Variants in DLGAP2 observed in about 807,000 individuals in gnomAD.
The protein encoded by DLGAP2 is disks large-associated protein 2.
Under a neutral mutation model 100.3 loss-of-function variants are expected in DLGAP2, and 26 were observed. The ratio of observed to expected loss-of-function variants is 0.26; its 90% CI spans 0.19 to 0.36. The LOEUF is 0.36. Ranked by LOEUF, DLGAP2 falls within the 10% of genes least tolerant of loss-of-function variation. The pLI, the probability that DLGAP2 is intolerant of heterozygous loss-of-function variation, is 1.00. For missense variants in DLGAP2, 1,858 were observed against 1,453.2 expected (o/e 1.28, Z -4.53); for synonymous variants, 886 against 630.1 (o/e 1.41, Z -6.08).
chr8:1,440,587 G>C (rs1002929071), intron 3 of DLGAP2, among the ~76,000 whole-genome samples: 5 of 152,168 alleles, frequency 3.3e-5, no homozygotes, highest in African/African-American at 9.7e-5. Context: ...AGACTAAAGG[G>C]GGAAAACGGC....
intron 2 of DLGAP2, among the ~76,000 whole-genome samples, chr8:1,154,337 C>G (rs368836825): frequency 1.3e-3 from 198 of 152,220 alleles, no homozygotes; most frequent in African/African-American, 4.6e-3. Flanking sequence ...ACAGCCAGGA[C>G]CAGGCGTGGA....
intron 3 of DLGAP2, among the ~76,000 whole-genome samples, chr8:1,483,133 G>A (rs1799143989): frequency 6.6e-6 from 1 of 152,202 alleles, no homozygotes; most frequent in Non-Finnish European, 1.5e-5. Flanking sequence ...AGGAAGGGCA[G>A]CGGTGCACCG....
At chr8:1,025,104 GTA>G (rs1801755808) in intron 2 of DLGAP2, among the ~76,000 whole-genome samples, 1 of 151,476 alleles carries the variant, frequency 6.6e-6, no homozygotes, top group Non-Finnish European at 1.5e-5. Flanking sequence ...GTGTGTGCGT[GTA>G]TGTGTGTGCG....
chr8:1,020,692 C>A (rs563009684), intron 2 of DLGAP2, among the ~76,000 whole-genome samples: 1 of 152,148 alleles, frequency 6.6e-6, no homozygotes, highest in African/African-American at 2.4e-5. Context: ...GAACCAACAC[C>A]CACTCAGACT....
intron 3 of DLGAP2, chr8:1,369,041 T>C (rs1032180576): frequency 6.6e-6 from 1 of 152,150 alleles, no homozygotes; most frequent in Non-Finnish European, 1.5e-5. Flanking sequence ...GACACTGAGC[T>C]AGTTCCCGCA....
chr8:1,449,303 A>T (rs1271285792), intron 3 of DLGAP2, among the ~76,000 whole-genome samples: 1 of 152,150 alleles, frequency 6.6e-6, no homozygotes, highest in Non-Finnish European at 1.5e-5. Flanking sequence ...TCGGGCCATG[A>T]TGGACTAAAG....
chr8:1,581,476 A>G (rs2906593), intron 6 of DLGAP2, among the ~76,000 whole-genome samples: 4 of 149,900 alleles, frequency 2.7e-5, no homozygotes, highest in Admixed American at 2.0e-4. Context: ...CTCCACACAT[A>G]TATACACCAC....
intron 3 of DLGAP2, among the ~76,000 whole-genome samples, chr8:1,497,592 TC>T (rs1331792961): frequency 6.6e-6 from 1 of 152,194 alleles, no homozygotes; most frequent in Non-Finnish European, 1.5e-5. Context: ...TAAGGGCATT[TC>T]TGAGGTCGCT....
intron 6 of DLGAP2, among the ~76,000 whole-genome samples, chr8:1,594,445 C>T (rs1796386013): frequency 1.3e-5 from 2 of 152,044 alleles, no homozygotes; most frequent in South Asian, 2.1e-4. Context: ...ACATAATTGA[C>T]CTGAAAATTT....
At chr8:1,057,301 A>G (rs868022352) in intron 2 of DLGAP2, among the ~76,000 whole-genome samples, 8 of 152,250 alleles carry the variant, frequency 5.3e-5, no homozygotes, top group African/African-American at 1.9e-4. Flanking sequence ...GAAGTTAGCC[A>G]TCTGTATTAA....
intron 3 of DLGAP2, among the ~76,000 whole-genome samples, chr8:1,468,025 G>T (rs1253307090): frequency 1.3e-5 from 2 of 152,248 alleles, no homozygotes; most frequent in African/African-American, 4.8e-5. Context: ...GAATCTTTGT[G>T]CTGCAAAGTG....
intron 8 of DLGAP2, among the ~76,000 whole-genome samples, chr8:1,661,864 C>G (rs892897241): frequency 8.5e-5 from 13 of 152,248 alleles, no homozygotes; most frequent in African/African-American, 3.1e-4. Flanking sequence ...CAGCCGGTGT[C>G]ATCACCATCA....
intron 2 of DLGAP2, among the ~76,000 whole-genome samples, chr8:1,234,156 C>T (rs13267292): frequency 0.28 from 42,968 of 152,168 alleles, 6,598 homozygotes; most frequent in East Asian, 0.65. Context: ...CCTGTCCTCC[C>T]TCGAAAGCGG....
chr8:840,532 CGTCTCCCCACACTCTGGATT>C (rs1796962475), intron 1 of DLGAP2, among the ~76,000 whole-genome samples: 1 of 57,576 alleles, frequency 1.7e-5, no homozygotes, highest in Non-Finnish European at 3.9e-5. Context: ...CACGCCTGCA[CGTCTCCCCACACTCTGGATT>C]CTGCGAGCGC....
At chr8:1,625,226 C>T (rs1314640489) in intron 6 of DLGAP2, among the ~76,000 whole-genome samples, 1 of 152,146 alleles carries the variant, frequency 6.6e-6, no homozygotes, top group African/African-American at 2.4e-5. Flanking sequence ...TATTATCATC[C>T]AAAACAGGCA....
intron 1 of DLGAP2, among the ~76,000 whole-genome samples, chr8:771,743 T>C (rs60642065): frequency 6.6e-6 from 1 of 152,350 alleles, no homozygotes; most frequent in African/African-American, 2.4e-5. Context: ...TCCTTTATTT[T>C]AAAATGACTT....
At chr8:1,100,289 A>G (rs1804533420) in intron 2 of DLGAP2, among the ~76,000 whole-genome samples, 1 of 151,296 alleles carries the variant, frequency 6.6e-6, no homozygotes, top group South Asian at 2.1e-4. Context: ...GCATGTCCAC[A>G]GTGTACAGCG....
At chr8:1,491,383 T>TGCTCCCCCTGACCCCGGAGGCTTCGGGCC (rs1563180307) in intron 3 of DLGAP2, among the ~76,000 whole-genome samples, 5 of 149,114 alleles carry the variant, frequency 3.4e-5, no homozygotes, top group African/African-American at 1.2e-4. Context: ...GGCTTCGGGC[T>TGCTCCCCCTGACCCCGGAGGCTTCGGGCC]GCTCCCCCTG....
intron 3 of DLGAP2, among the ~76,000 whole-genome samples, chr8:1,307,863 G>A (rs150863553): frequency 2.0e-5 from 3 of 152,284 alleles, no homozygotes; most frequent in Admixed American, 1.3e-4. Flanking sequence ...GGGACTGGGC[G>A]CTGGAGGGAA....
Sources: allele counts gnomAD v4.1 joint callset (sites outside exome capture counted in the v4.1 genomes callset), GRCh38; gene constraint gnomAD v4.1.1; transcripts MANE v1.5; gene names NCBI Gene and HGNC (gene_info 2026-07-23, HGNC 2026-07-21).